Variants in RBFOX1 observed in about 807,000 individuals in gnomAD.
RBFOX1 encodes the protein RNA binding fox-1 homolog 1.
Under a neutral mutation model 57.7 loss-of-function variants are expected in RBFOX1, and 8 were observed. The ratio of observed to expected loss-of-function variants is 0.14; its 90% CI spans 0.08 to 0.25. The LOEUF is 0.25. Among genes scored for constraint, RBFOX1 ranks in the 10% least tolerant of loss-of-function variants. The pLI, the probability that RBFOX1 is intolerant of heterozygous loss-of-function variation, is 1.00. For missense variants in RBFOX1, 611 were observed against 548.5 expected (o/e 1.11, Z -1.14); for synonymous variants, 326 against 222.4 (o/e 1.47, Z -4.15).
rs566736742 is a variant in RBFOX1, at chr16:5,986,534, C to T, written c.351+119199C>T. ...AGTGTCCCTTTCATACCCACATTCACCTCCCTCTCACCCCTGCCTCCTGTC... is the reference window on the plus strand; with the variant it reads ...AGTGTCCCTTTCATACCCACATTCATCTCCCTCTCACCCCTGCCTCCTGTC... On this transcript the variant is annotated intron_variant, in intron 4 of 19. Coordinates refer to the RBFOX1 transcript ENST00000641259. 2.6e-5 allele frequency among the ~76,000 whole-genome samples: 4 copies of T among 152,330 alleles called. No individual in the cohort carries two copies. In the East Asian group the frequency reaches 7.7e-4, roughly 29 times the overall value.
Position 5,424,198 on chromosome 16 carries a change from A to G in RBFOX1, c.220-43018A>G, listed in dbSNP as rs1204009033. 2.6e-5 allele frequency among the ~76,000 whole-genome samples: 4 copies of G among 152,254 alleles called. No individual in the cohort carries two copies. The East Asian group carries it at 7.7e-4, about 29-fold the overall frequency. Reference sequence around the variant, plus strand: ...TCTCTCGTTCTCTCTCGTTTGTTGAATTTCTTAGCACACTGTGAACAGTGA... The same window carrying G: ...TCTCTCGTTCTCTCTCGTTTGTTGAGTTTCTTAGCACACTGTGAACAGTGA... On this transcript the variant is annotated intron_variant, in intron 1 of 2. Coordinates refer to the RBFOX1 transcript ENST00000585867.
chr16:6,568,757 GT>G (rs1469668395), intron 2 of RBFOX1, among the ~76,000 whole-genome samples: 2 of 151,972 alleles, frequency 1.3e-5, no homozygotes, highest in African/African-American at 2.4e-5. Flanking sequence ...GATTACCAGT[GT>G]GCTTATAACT....
chr16:7,068,236 A>G (rs1175571505), intron 4 of RBFOX1, among the ~76,000 whole-genome samples: 5 of 152,118 alleles, frequency 3.3e-5, no homozygotes, highest in African/African-American at 7.2e-5. Context: ...GCCAGCCAAG[A>G]TTGTCGGTCC....
chr16:7,463,498 G>C (rs1488286349), intron 4 of RBFOX1, among the ~76,000 whole-genome samples: 1 of 151,830 alleles, frequency 6.6e-6, no homozygotes, highest in African/African-American at 2.4e-5. Context: ...AGTGAGACTT[G>C]GTCTCAAAAA....
At chr16:7,359,684 C>G (rs980944176) in intron 4 of RBFOX1, among the ~76,000 whole-genome samples, 2 of 152,070 alleles carry the variant, frequency 1.3e-5, no homozygotes, top group African/African-American at 4.8e-5. Context: ...TTTGTTGAAT[C>G]TCAAATTTAA....
Position 5,475,662 on chromosome 16 carries a change from C to G in RBFOX1, c.258+8408C>G, listed in dbSNP as rs62016435. ...AGAATTTCTCACCTAATCTTTGTGA[C>G]AACCCAGTGAGGAGCCAGTCCTTTG... On this transcript the variant is annotated intron_variant, in intron 2 of 2. Coordinates refer to the RBFOX1 transcript ENST00000585867. Among the ~76,000 whole-genome samples, 4 of 152,208 alleles carry G rather than the reference C, an allele frequency of 2.6e-5. 1 individual carries two copies. The highest frequency in any genetic ancestry group is 4.1e-4 in the South Asian group (2 of 4,828).
At chr16:6,638,494 T>C (rs2098462213) in intron 2 of RBFOX1, among the ~76,000 whole-genome samples, 1 of 152,172 alleles carries the variant, frequency 6.6e-6, no homozygotes, top group African/African-American at 2.4e-5. Flanking sequence ...TATAATAAAA[T>C]ATGCTTCTGG....
intron 3 of RBFOX1, among the ~76,000 whole-genome samples, chr16:6,892,632 T>A (rs2065740271): frequency 6.6e-6 from 1 of 152,150 alleles, no homozygotes; most frequent in Non-Finnish European, 1.5e-5. Flanking sequence ...ATTGCACCAC[T>A]GTACTCCAGC....
rs779819014 is a variant in RBFOX1, at chr16:5,467,195, TC to T, written c.220-20del. 9.1e-4 allele frequency: 1,204 copies of T among 1,323,316 alleles called. 7 individuals carry two copies. The African/African-American group carries it at 0.016, about 18-fold the overall frequency. 82.0% of individuals were successfully genotyped at this position (1,323,316 alleles called of 1,614,324 possible). ...TTTCTTCTCTCTCTCTCTCTCTCTC[TC>T]TTTTTTTTTTTTAATGCAGGATCTA... On this transcript the variant is annotated intron_variant, in intron 1 of 2. Transcript: ENST00000585867.
intron 4 of RBFOX1, among the ~76,000 whole-genome samples, chr16:7,368,944 G>T (rs916548238): frequency 2.6e-5 from 4 of 152,098 alleles, no homozygotes; most frequent in African/African-American, 9.7e-5. Context: ...GAATGAGAAG[G>T]GAGGTGAATC....
intron 4 of RBFOX1, among the ~76,000 whole-genome samples, chr16:7,484,399 T>C (rs908492009): frequency 6.6e-6 from 1 of 152,190 alleles, no homozygotes; most frequent in Non-Finnish European, 1.5e-5. Context: ...CATTCTAGGA[T>C]ACCATTATTG....
At chr16:7,206,651 G>C (rs1024668036) in intron 4 of RBFOX1, among the ~76,000 whole-genome samples, 27 of 152,002 alleles carry the variant, frequency 1.8e-4, no homozygotes, top group Admixed American at 6.6e-4. Context: ...CCCTCAGCTA[G>C]ATTAGTTTTA....
Position 7,285,892 on chromosome 16 carries a change from A to C in RBFOX1, c.28-232255A>C, listed in dbSNP as rs576020993. Among the ~76,000 whole-genome samples, 8 of 152,344 alleles carry C rather than the reference A, an allele frequency of 5.3e-5. No individual in the cohort carries two copies. In the South Asian group the frequency reaches 1.5e-3, roughly 28 times the overall value. On this transcript the variant is annotated intron_variant, in intron 4 of 15. Coordinates refer to ENST00000550418, the MANE Select transcript of RBFOX1 (RefSeq NM_018723.4). ...CACAAGATTCCATTTCTCTGAGATA[A>C]GGGCTCAAGAAAGAACATGCTGGGA...
At chr16:5,527,215 G>C (rs907959333) in intron 2 of RBFOX1, among the ~76,000 whole-genome samples, 6 of 152,180 alleles carry the variant, frequency 3.9e-5, no homozygotes, top group Non-Finnish European at 7.3e-5. Flanking sequence ...GTCCTGATGA[G>C]GACCCGCGAT....
intron 1 of RBFOX1, among the ~76,000 whole-genome samples, chr16:5,442,602 G>C (rs937908468): frequency 6.6e-6 from 1 of 152,208 alleles, no homozygotes; most frequent in African/African-American, 2.4e-5. Context: ...TCCAGGAGGA[G>C]GATGCAGCTC....
chr16:7,670,943 G>C lies in RBFOX1; in HGVS notation c.931-5831G>C, dbSNP rs538175271. 3.3e-5 allele frequency among the ~76,000 whole-genome samples: 5 copies of C among 152,244 alleles called. 1 individual carries two copies. In the South Asian group the frequency reaches 8.3e-4, roughly 25 times the overall value. On this transcript the variant is annotated intron_variant, in intron 13 of 15. Transcript: ENST00000550418. ...GATTTGTATGAAATGATAGCATTTT[G>C]ATATGTATATTAACACTAGTTTACA... is the stretch of plus-strand genomic sequence containing the variant.
intron 4 of RBFOX1, among the ~76,000 whole-genome samples, chr16:7,115,869 G>A (rs960282706): frequency 2.0e-5 from 3 of 152,184 alleles, no homozygotes; most frequent in East Asian, 1.9e-4. Context: ...AAATGCCTAC[G>A]CTGGGGAGCA....
intron 4 of RBFOX1, among the ~76,000 whole-genome samples, chr16:7,236,778 A>T (rs1476153762): frequency 6.6e-6 from 1 of 152,158 alleles, no homozygotes; most frequent in Non-Finnish European, 1.5e-5. Flanking sequence ...AAATGCAGTC[A>T]GTGATAAGGC....
At chr16:7,364,491 A>G (rs2097397464) in intron 4 of RBFOX1, among the ~76,000 whole-genome samples, 1 of 151,808 alleles carries the variant, frequency 6.6e-6, no homozygotes, top group Non-Finnish European at 1.5e-5. Context: ...AGTTTCAAGT[A>G]CTAGAAATCT....
Sources: gnomAD v4.1 joint callset for allele counts (sites outside exome capture counted in the v4.1 genomes callset) on GRCh38, gnomAD v4.1.1 for gene constraint, MANE v1.5 for transcripts, NCBI Gene and HGNC (gene_info 2026-07-23, HGNC 2026-07-21) for gene names.